Variants in MTF2 observed in about 807,000 individuals in gnomAD.
MTF2 encodes metal response element binding transcription factor 2.
A neutral mutation model predicts 79.5 loss-of-function variants in MTF2; 11 were observed. The observed-to-expected ratio is 0.14, with a 90% confidence interval of 0.09 to 0.23. MTF2 has a LOEUF of 0.23. MTF2 is among the 10% of genes least tolerant of loss of function. The pLI is 1.00. For missense variants in MTF2, 486 were observed against 711.2 expected, an observed-to-expected ratio of 0.68 and a Z score of 3.60; for synonymous variants, 208 against 232.8, an observed-to-expected ratio of 0.89 and a Z score of 0.97.
At chr1:93,081,644 GTGGATA>G (rs968417690) in intron 1 of MTF2, among the ~76,000 whole-genome samples, 15 of 152,200 alleles carry the variant, frequency 9.9e-5, no homozygotes, top group Middle Eastern at 3.4e-3. Flanking sequence ...AAGTTTCCCT[GTGGATA>G]TTTCTTATAT....
chr1:93,092,603 T>C (rs192912207), intron 1 of MTF2, among the ~76,000 whole-genome samples: 1 of 152,242 alleles, frequency 6.6e-6, no homozygotes, highest in Admixed American at 6.5e-5. Context: ...TTTTTTATAA[T>C]GTTAGATGAG....
At chr1:93,102,479 C>T (rs1329517298) in intron 1 of MTF2, among the ~76,000 whole-genome samples, 1 of 152,058 alleles carries the variant, frequency 6.6e-6, no homozygotes, top group Non-Finnish European at 1.5e-5. Flanking sequence ...GTAGTCCCAG[C>T]TGCTTGGGAG....
chr1:93,088,066 T>A (rs1232508525), intron 1 of MTF2, among the ~76,000 whole-genome samples: 3 of 152,164 alleles, frequency 2.0e-5, no homozygotes, highest in African/African-American at 4.8e-5. Flanking sequence ...CTTTTAAAAC[T>A]CTAGGGTATA....
chr1:93,137,099 T>C lies in MTF2; in HGVS notation c.*72T>C. The stretch of plus-strand genomic sequence containing the variant: ...TACAGTTCAAAGCCCTAAAGGAGTC[T>C]GGCTTTTACTATCTTTCTTAAAAAA... On this transcript the variant is annotated 3_prime_UTR_variant, in exon 15 of 15. Coordinates refer to ENST00000370298, the MANE Select transcript of MTF2 (RefSeq NM_007358.4). 1 of 1,279,862 alleles carries C rather than the reference T, an allele frequency of 7.8e-7. No individual in the cohort carries two copies. Among genetic ancestry groups the C allele is most frequent in the Non-Finnish European group, 1.1e-6 (1 of 932,664 alleles). The allele number at this position is 1,279,862 out of a possible 1,614,324, so 79.3% of individuals were successfully genotyped here.
At position 93,097,436 on chromosome 1, in the gene MTF2, T is replaced by C. The variant is rs560778212; in HGVS notation, c.6-12794T>C. On this transcript the variant is annotated intron_variant, in intron 1 of 14. Transcript: ENST00000370298. Reference sequence around the variant, plus strand: ...AATACCACATAAAGTTAATTCTTAATGTCTGTCTGTTTTACTTTTAAATTA... The same window carrying C: ...AATACCACATAAAGTTAATTCTTAACGTCTGTCTGTTTTACTTTTAAATTA... Among the ~76,000 whole-genome samples, 3 of 152,332 alleles carry C rather than the reference T, an allele frequency of 2.0e-5. No individual in the cohort carries two copies. In the East Asian group the frequency reaches 5.8e-4, roughly 29 times the overall value.
intron 3 of MTF2, among the ~76,000 whole-genome samples, chr1:93,114,060 T>TA (rs60516501): frequency 1 from 150,400 of 150,818 alleles, 74,992 homozygotes; most frequent in East Asian, 1. Flanking sequence ...CTTGTTCTGC[T>TA]AAAAAAAATT....
intron 1 of MTF2, among the ~76,000 whole-genome samples, chr1:93,094,770 C>T (rs528882947): frequency 6.6e-6 from 1 of 152,278 alleles, no homozygotes; most frequent in Non-Finnish European, 1.5e-5. Context: ...CTCTTAGCAG[C>T]TACTGATGCT....
At chr1:93,094,375 C>G (rs1205198934) in intron 1 of MTF2, among the ~76,000 whole-genome samples, 2 of 152,196 alleles carry the variant, frequency 1.3e-5, no homozygotes. Flanking sequence ...CCCAGATAAT[C>G]TCCATCCTGA....
At chr1:93,089,038 T>C (rs1176947475) in intron 1 of MTF2, among the ~76,000 whole-genome samples, 5 of 152,202 alleles carry the variant, frequency 3.3e-5, no homozygotes, top group African/African-American at 1.2e-4. Context: ...AAATATTTTC[T>C]GTAATTTCAT....
chr1:93,111,152 T>C (rs1213404814), intron 3 of MTF2, among the ~76,000 whole-genome samples: 2 of 152,200 alleles, frequency 1.3e-5, no homozygotes, highest in Admixed American at 1.3e-4. Flanking sequence ...GGTTTGGTTA[T>C]AGGTATGCTT....
At chr1:93,100,713 C>G (rs747801165) in intron 1 of MTF2, among the ~76,000 whole-genome samples, 5 of 152,192 alleles carry the variant, frequency 3.3e-5, no homozygotes, top group Admixed American at 6.5e-5. Context: ...ATTCTACTTT[C>G]AGGGAAACCT....
At chr1:93,120,878 AT>A (rs1196572356) in intron 9 of MTF2, 1 of 1,259,716 alleles carries the variant, frequency 7.9e-7, no homozygotes, top group Non-Finnish European at 9.9e-7. Flanking sequence ...GACTCTGGAA[AT>A]TTGTAGAAGG....
intron 1 of MTF2, among the ~76,000 whole-genome samples, chr1:93,083,875 T>G (rs1335758866): frequency 2.6e-5 from 4 of 152,232 alleles, no homozygotes; most frequent in Admixed American, 2.0e-4. Flanking sequence ...ATACCTTCTT[T>G]GGAGAACTGT....
At chr1:93,114,956 C>A (rs965473879) in intron 4 of MTF2, 32 bp from the exon 5 acceptor site, 4 of 1,483,694 alleles carry the variant, frequency 2.7e-6, no homozygotes, top group Middle Eastern at 1.7e-4. Flanking sequence ...TTAATGAAAC[C>A]GAATTTGCTT....
intron 1 of MTF2, among the ~76,000 whole-genome samples, chr1:93,106,762 C>T (rs1021756708): frequency 3.9e-5 from 6 of 152,202 alleles, no homozygotes; most frequent in African/African-American, 1.4e-4. Context: ...CTCAGGTGAT[C>T]TGCCCACCTC....
intron 11 of MTF2, among the ~76,000 whole-genome samples, chr1:93,131,211 G>A (rs1379085742): frequency 6.6e-6 from 1 of 152,134 alleles, no homozygotes; most frequent in Non-Finnish European, 1.5e-5. Context: ...AGAATGATCA[G>A]TGAGATGGGA....
rs1433702013 is a variant in MTF2 at position 93,115,073 on chromosome 1, T to C, written c.468T>C (p.Phe156=). Residue 156 remains phenylalanine (F), a synonymous_variant, in exon 5 of 15, where the codon TTT becomes TTC. Coordinates refer to ENST00000370298, the MANE Select transcript of MTF2 (RefSeq NM_007358.4). ...DEKWLCRQCV[F]ATTTKRGGAL... The stretch of plus-strand genomic sequence containing the variant: ...AATGGCTCTGTCGGCAGTGTGTTTT[T>C]GCAACAACAACAAAGGTATATTTTA... 2 of 1,603,984 alleles carry C rather than the reference T, an allele frequency of 1.2e-6. No individual in the cohort carries two copies. The highest frequency in any genetic ancestry group is 3.3e-5 in the Admixed American group (2 of 59,938).
At chr1:93,109,143 G>A (rs985189704) in intron 1 of MTF2, among the ~76,000 whole-genome samples, 2 of 151,974 alleles carry the variant, frequency 1.3e-5, no homozygotes, top group African/African-American at 4.8e-5. Flanking sequence ...ACATGTCACT[G>A]TATGTTTAAT....
intron 1 of MTF2, among the ~76,000 whole-genome samples, chr1:93,087,715 G>A (rs1654906136): frequency 6.6e-6 from 1 of 152,082 alleles, no homozygotes; most frequent in Non-Finnish European, 1.5e-5. Context: ...ATGTGACCTC[G>A]GTTCATAATT....
Sources: gnomAD v4.1 joint callset for allele counts (sites outside exome capture counted in the v4.1 genomes callset) on GRCh38, gnomAD v4.1.1 for gene constraint, MANE v1.5 for transcripts, NCBI Gene and HGNC (gene_info 2026-07-23, HGNC 2026-07-21) for gene names.